The following TP53BP2 variants were observed in gnomAD, a reference collection of about 807,000 sequenced individuals.
The protein encoded by TP53BP2 is apoptosis-stimulating of p53 protein 2.
Under a neutral mutation model 126.2 loss-of-function variants are expected in TP53BP2, and 62 were observed. That is an observed-to-expected ratio of 0.49 (90% CI 0.40 to 0.61). The LOEUF (loss-of-function observed/expected upper bound fraction) is 0.61, where lower values mean the gene tolerates loss of function less well. TP53BP2 is among the 20% of genes least tolerant of loss of function. The pLI is 0.00. For synonymous variants in TP53BP2, 485 were observed against 502.9 expected (o/e 0.96, Z 0.48); for missense variants, 1,215 against 1,402.8 (o/e 0.87, Z 2.14).
At chr1:223,788,665 G>T (rs903610502) in intron 16 of TP53BP2, among the ~76,000 whole-genome samples, 1 of 152,174 alleles carries the variant, frequency 6.6e-6, no homozygotes, top group African/African-American at 2.4e-5. Flanking sequence ...TGATCATGTT[G>T]TTAGGAGAGG....
chr1:223,809,809 C>T (rs754078667), intron 4 of TP53BP2, among the ~76,000 whole-genome samples: 12 of 151,768 alleles, frequency 7.9e-5, no homozygotes, highest in Non-Finnish European at 1.5e-4. Flanking sequence ...CATGCAATAG[C>T]GAGAGTATAA....
intron 1 of TP53BP2, among the ~76,000 whole-genome samples, chr1:223,829,173 A>C (rs941092074): frequency 4.6e-5 from 7 of 152,230 alleles, no homozygotes; most frequent in Middle Eastern, 3.4e-3. Context: ...CTCTACAAAA[A>C]AACACAAAAA....
intron 16 of TP53BP2, among the ~76,000 whole-genome samples, chr1:223,786,581 C>CGTGTGTGCGTGTGT (rs1553258006): frequency 6.9e-6 from 1 of 144,500 alleles, no homozygotes; most frequent in Admixed American, 6.9e-5. Flanking sequence ...TGCGTGTGTG[C>CGTGTGTGCGTGTGT]GTGTGTGTGT....
At chr1:223,823,049 T>A (rs965985612) in intron 1 of TP53BP2, among the ~76,000 whole-genome samples, 1 of 152,194 alleles carries the variant, frequency 6.6e-6, no homozygotes, top group South Asian at 2.1e-4. Flanking sequence ...TTTAGTCTTT[T>A]AAAATCATTA....
chr1:223,803,068 C>A, intron 7 of TP53BP2, 173 bp from the exon 8 acceptor site: 1 of 878,954 alleles, frequency 1.1e-6, no homozygotes, highest in Non-Finnish European at 1.7e-6. Flanking sequence ...AGACCACCAG[C>A]TGTGGTTATG....
rs144517552 is a variant in TP53BP2, at chr1:223,815,851, C to T, written c.176-1498G>A. 2.8e-3 allele frequency among the ~76,000 whole-genome samples: 426 copies of T among 152,308 alleles called. 14 individuals are homozygous for T. The highest frequency in any genetic ancestry group is 0.024 in the Admixed American group (366 of 15,298). ...TTACAACTGCCTACAGTATTCAATA[C>T]AGTAACATGCTGTACAGGTTTGTAG... On this transcript the variant is annotated intron_variant, in intron 2 of 17. Coordinates refer to ENST00000343537, the MANE Select transcript of TP53BP2 (RefSeq NM_001031685.3).
At chr1:223,792,323 A>G in intron 15 of TP53BP2, 66 bp downstream of exon 15, 2 of 1,529,302 alleles carry the variant, frequency 1.3e-6, no homozygotes, top group Non-Finnish European at 8.9e-7. Context: ...CAACAGCACT[A>G]TGACAACTGC....
At chr1:223,786,896 G>A (rs527459214) in intron 16 of TP53BP2, among the ~76,000 whole-genome samples, 8 of 149,428 alleles carry the variant, frequency 5.4e-5, no homozygotes, top group East Asian at 2.0e-4. Flanking sequence ...GTGAGCCACC[G>A]CGCCCGGCTT....
At chr1:223,785,492 G>A (rs2102830306) in intron 16 of TP53BP2, among the ~76,000 whole-genome samples, 1 of 152,344 alleles carries the variant, frequency 6.6e-6, no homozygotes, top group East Asian at 1.9e-4. Flanking sequence ...CACAGTGTCT[G>A]AGATGGGAAT....
chr1:223,802,331 C>T lies in TP53BP2; in HGVS notation c.1010G>A (p.Gly337Glu), dbSNP rs1662555280. The T allele has an allele frequency of 1.2e-6, 2 of 1,614,040 alleles. No homozygotes were observed. The highest frequency in any genetic ancestry group is 1.7e-5 in the Admixed American group (1 of 60,006). Residue 337 changes from glycine to glutamate, a missense_variant, in exon 9 of 18, where the codon GGA (glycine) becomes GAA (glutamate). By Grantham distance (98) the Gly-to-Glu change is moderately conservative. This residue lies in a region of TP53BP2 where 814 missense variants were observed against 853.0 expected (regional missense o/e 0.95). Coordinates refer to ENST00000343537, the MANE Select transcript of TP53BP2 (RefSeq NM_001031685.3). ...TGACGCGGCTTGCTGGGGAAGATTT[C>T]CATCAGATGAAACCTTAGGAAAGAA... ...QKENLPVSSDGNLPQQAASAP... is the reference protein window; with the variant it reads ...QKENLPVSSDENLPQQAASAP...
At chr1:223,831,874 G>C (rs1269044040) in intron 1 of TP53BP2, among the ~76,000 whole-genome samples, 1 of 151,326 alleles carries the variant, frequency 6.6e-6, no homozygotes, top group Non-Finnish European at 1.5e-5. Context: ...AAAATTCAAA[G>C]TCACAGATAA....
At chr1:223,784,392 A>G in intron 16 of TP53BP2, 78 bp from the exon 17 acceptor site, 1 of 1,344,890 alleles carries the variant, frequency 7.4e-7, no homozygotes, top group Non-Finnish European at 1.1e-6. Flanking sequence ...GCTATATGAA[A>G]CAAAATGGGA....
intron 16 of TP53BP2, among the ~76,000 whole-genome samples, chr1:223,786,213 C>T (rs1571835287): frequency 6.6e-6 from 1 of 152,152 alleles, no homozygotes; most frequent in African/African-American, 2.4e-5. Flanking sequence ...AGTTATAGGA[C>T]TCATATACAA....
chr1:223,809,030 T>C (rs1282000241), intron 4 of TP53BP2, among the ~76,000 whole-genome samples: 1 of 152,090 alleles, frequency 6.6e-6, no homozygotes, highest in Non-Finnish European at 1.5e-5. Flanking sequence ...TATGATCGCT[T>C]TGGAAACACT....
chr1:223,837,154 A>C (rs78942879), intron 1 of TP53BP2, among the ~76,000 whole-genome samples: 12 of 69,796 alleles, frequency 1.7e-4, no homozygotes, highest in African/African-American at 5.2e-4. Flanking sequence ...TTAAAAAAAA[A>C]AGGGGGGGGG....
chr1:223,829,747 A>T (rs1454930586), intron 1 of TP53BP2, among the ~76,000 whole-genome samples: 1 of 152,032 alleles, frequency 6.6e-6, no homozygotes, highest in African/African-American at 2.4e-5. Flanking sequence ...AAAAAAAAAA[A>T]AACAGCTGTT....
chr1:223,834,223 A>G (rs1982611), intron 1 of TP53BP2, among the ~76,000 whole-genome samples: 47,928 of 152,060 alleles, frequency 0.32, 11,188 homozygotes, highest in African/African-American at 0.66. Flanking sequence ...GTAGTGATTT[A>G]CAACATGCAA....
At position 223,789,168 on chromosome 1, in the gene TP53BP2, T is replaced by C. The variant is rs61758080; in HGVS notation, c.3003A>G (p.Pro1001=). The C allele has an allele frequency of 1.2e-3, 1,879 of 1,614,132 alleles. 18 individuals are homozygous for C. The African/African-American group carries it at 0.022, about 19-fold the overall frequency. The change falls in exon 16 of 18, where the codon CCA becomes CCG. Residue 1001 remains proline, a synonymous_variant. Transcript: ENST00000343537. ...VNAADSDGWT[P]LHCAASCNNV... ...TGTTACATGAGGCAGCACAATGTAA[T>C]GGAGTCCTGTGAAGCAAGATACGAG...
rs1377073959 is a variant in TP53BP2, at chr1:223,837,165, C to CG, written c.27+8488dup. Among the ~76,000 whole-genome samples, 491 of 54,198 alleles carry CG rather than the reference C, an allele frequency of 9.1e-3. 20 individuals carry two copies. In the East Asian group the frequency reaches 0.18, roughly 19 times the overall value. The allele number at this position is 54,198 out of a possible 152,430, so 35.6% of individuals were successfully genotyped here. A position where few individuals can be genotyped will look rare whatever the true frequency, so the allele number is the denominator to read the frequency against. On this transcript the variant is annotated intron_variant, in intron 1 of 17. Transcript: ENST00000343537. Reference sequence around the variant, plus strand: ...AAAATTAAAAAAAAAAGGGGGGGGGCGGGGGGTCAAGGAACTTTTAGGTTG... The same window carrying CG: ...AAAATTAAAAAAAAAAGGGGGGGGGCGGGGGGGTCAAGGAACTTTTAGGTTG...
Sources: allele counts gnomAD v4.1 joint callset (sites outside exome capture counted in the v4.1 genomes callset), GRCh38; gene constraint gnomAD v4.1.1; regional missense constraint gnomAD v4.1.1; transcripts MANE v1.5; gene names NCBI Gene and HGNC (gene_info 2026-07-23, HGNC 2026-07-21).